Variants in FGGY observed in about 807,000 individuals in gnomAD.
FGGY encodes FGGY carbohydrate kinase domain-containing protein.
Under a neutral mutation model 71.3 loss-of-function variants are expected in FGGY, and 72 were observed. The ratio of observed to expected loss-of-function variants is 1.01; its 90% CI spans 0.84 to 1.23. The LOEUF is 1.23. Ranked by LOEUF, FGGY falls within the 50% of genes most tolerant of loss-of-function variation. The pLI is 0.00. For missense variants in FGGY, 668 were observed against 682.3 expected, an observed-to-expected ratio of 0.98 and a Z score of 0.23; for synonymous variants, 251 against 250.3, an observed-to-expected ratio of 1.00 and a Z score of -0.02.
At chr1:59,739,958 G>A (rs776065673) in intron 14 of FGGY, among the ~76,000 whole-genome samples, 5 of 152,138 alleles carry the variant, frequency 3.3e-5, no homozygotes, top group African/African-American at 2.4e-5. Context: ...TTCCCCCAGC[G>A]CTCTCCTTGC....
chr1:59,463,655 G>A (rs188924516), intron 6 of FGGY, among the ~76,000 whole-genome samples: 5 of 150,192 alleles, frequency 3.3e-5, no homozygotes, highest in African/African-American at 9.8e-5. Context: ...CAAAATAAAG[G>A]GATGGAGGAA....
intron 1 of FGGY, 126 bp from the exon 2 acceptor site, chr1:59,321,410 G>A (rs2046358041): frequency 1.3e-6 from 1 of 785,566 alleles, no homozygotes; most frequent in Non-Finnish European, 2.1e-6. Context: ...TTTGTTGGAT[G>A]AATAAATAAC....
intron 8 of FGGY, among the ~76,000 whole-genome samples, chr1:59,588,175 A>G (rs2153780588): frequency 6.6e-6 from 1 of 152,374 alleles, no homozygotes; most frequent in South Asian, 2.1e-4. Flanking sequence ...GATGTGATCA[A>G]CTGGAAGAAA....
intron 10 of FGGY, among the ~76,000 whole-genome samples, chr1:59,632,648 A>T (rs894229364): frequency 7.2e-5 from 11 of 152,376 alleles, no homozygotes; most frequent in African/African-American, 2.4e-4. Context: ...GTGCTTAGTG[A>T]TAATAGTTTC....
chr1:59,699,042 G>A, intron 14 of FGGY: 1 of 985,306 alleles, frequency 1.0e-6, no homozygotes, highest in Non-Finnish European at 1.2e-6. Context: ...AACTAACATA[G>A]CTACATTTTT....
chr1:59,387,226 C>A (rs558358848), intron 5 of FGGY, among the ~76,000 whole-genome samples: 1 of 152,130 alleles, frequency 6.6e-6, no homozygotes, highest in African/African-American at 2.4e-5. Context: ...TCTTATTCTA[C>A]TGATTTTTCT....
chr1:59,496,399 C>T (rs944166360), intron 6 of FGGY, among the ~76,000 whole-genome samples: 2 of 152,096 alleles, frequency 1.3e-5, no homozygotes, highest in Non-Finnish European at 2.9e-5. Flanking sequence ...AGCTGGAGGC[C>T]ATTATCCTAA....
intron 12 of FGGY, among the ~76,000 whole-genome samples, chr1:59,662,343 AT>A (rs2097284582): frequency 6.7e-6 from 1 of 149,418 alleles, no homozygotes. Flanking sequence ...AAAGAGAGAG[AT>A]TTTATATGTG....
chr1:59,762,209 C>T (rs1455582951), intron 15 of FGGY, among the ~76,000 whole-genome samples: 2 of 152,078 alleles, frequency 1.3e-5, no homozygotes, highest in Non-Finnish European at 2.9e-5. Context: ...CCTGCCTCAG[C>T]CTCCTGAGTA....
intron 7 of FGGY, among the ~76,000 whole-genome samples, chr1:59,539,106 A>G (rs1025872844): frequency 1.6e-4 from 24 of 152,218 alleles, no homozygotes; most frequent in Non-Finnish European, 3.1e-4. Flanking sequence ...GGTATAAAAC[A>G]TTGAGAGTAA....
At chr1:59,444,640 G>T (rs1054513360) in intron 5 of FGGY, among the ~76,000 whole-genome samples, 1 of 152,132 alleles carries the variant, frequency 6.6e-6, no homozygotes, top group Admixed American at 6.5e-5. Context: ...TACCACCTGA[G>T]CATCACCTCC....
chr1:59,470,183 C>T (rs572078314), intron 6 of FGGY, among the ~76,000 whole-genome samples: 1 of 152,312 alleles, frequency 6.6e-6, no homozygotes, highest in Non-Finnish European at 1.5e-5. Flanking sequence ...ACATTGTCTT[C>T]CACAATGGCT....
At chr1:59,435,778 G>GTA (rs1203143387) in intron 5 of FGGY, among the ~76,000 whole-genome samples, 7 of 149,594 alleles carry the variant, frequency 4.7e-5, no homozygotes, top group African/African-American at 1.5e-4. Flanking sequence ...GTGTGTGTGT[G>GTA]TGTGTGTGTA....
intron 8 of FGGY, among the ~76,000 whole-genome samples, chr1:59,567,241 G>A (rs1195163877): frequency 1.3e-5 from 2 of 152,166 alleles, no homozygotes; most frequent in African/African-American, 4.8e-5. Context: ...TGCCACAGCA[G>A]CATTGGTTAA....
chr1:59,397,016 T>C (rs962844069), intron 5 of FGGY, among the ~76,000 whole-genome samples: 11 of 149,998 alleles, frequency 7.3e-5, no homozygotes, highest in African/African-American at 9.9e-5. Context: ...CCAGTTTGAA[T>C]GCATTATGTC....
chr1:59,681,555 G>T (rs371807939), intron 14 of FGGY, among the ~76,000 whole-genome samples: 30 of 152,296 alleles, frequency 2.0e-4, no homozygotes, highest in African/African-American at 7.2e-4. Context: ...AGAAAGACGT[G>T]CCTGTAAGTA....
At chr1:59,299,326 T>C (rs2153073571) in intron 1 of FGGY, among the ~76,000 whole-genome samples, 1 of 152,226 alleles carries the variant, frequency 6.6e-6, no homozygotes, top group African/African-American at 2.4e-5. Context: ...GAAGGCCAGG[T>C]CAGGAAGGGT....
chr1:59,661,285 G>C (rs1440135386), intron 12 of FGGY, among the ~76,000 whole-genome samples: 1 of 152,052 alleles, frequency 6.6e-6, no homozygotes, highest in Non-Finnish European at 1.5e-5. Context: ...GCTCAGATTT[G>C]TCCATGCACC....
intron 5 of FGGY, among the ~76,000 whole-genome samples, chr1:59,391,571 C>G (rs1164589999): frequency 6.6e-6 from 1 of 152,034 alleles, no homozygotes; most frequent in East Asian, 1.9e-4. Context: ...GGTGAGAAGC[C>G]CCATCTTTGT....
Sources: gnomAD v4.1 joint callset for allele counts (sites outside exome capture counted in the v4.1 genomes callset) on GRCh38, gnomAD v4.1.1 for gene constraint, MANE v1.5 for transcripts, NCBI Gene and HGNC (gene_info 2026-07-23, HGNC 2026-07-21) for gene names.